The following RIPOR1 variants were observed in gnomAD, a reference collection of about 807,000 sequenced individuals.
RIPOR1 encodes RHO family interacting cell polarization regulator 1, also known as rho family-interacting cell polarization regulator 1.
A neutral mutation model predicts 116.5 loss-of-function variants in RIPOR1; 58 were observed. The observed-to-expected ratio is 0.50, with a 90% confidence interval of 0.40 to 0.62. The LOEUF (loss-of-function observed/expected upper bound fraction) is 0.62, where lower values mean the gene tolerates loss of function less well. Ranked by LOEUF, RIPOR1 falls within the 20% of genes least tolerant of loss-of-function variation. RIPOR1 has a pLI of 0.00. For missense variants in RIPOR1, 1,372 were observed against 1,586.2 expected (o/e 0.86, Z 2.29); for synonymous variants, 605 against 650.0 (o/e 0.93, Z 1.05).
Position 67,544,638 on chromosome 16 carries a change from C to T in RIPOR1, c.2734-57C>T, listed in dbSNP as rs931911427. 8.8e-5 allele frequency: 141 copies of T among 1,604,518 alleles called. 2 individuals carry two copies. Among genetic ancestry groups the T allele is most frequent in the Admixed American group, 8.4e-5 (5 of 59,874 alleles). ...GCATGCTGGGACTTGTCCCTGAGCA[C>T]GATCCTCCCGAGCCCTACCCTGAGG... On this transcript the variant is annotated intron_variant, in intron 15 of 21. Coordinates refer to ENST00000042381, the MANE Select transcript of RIPOR1 (RefSeq NM_024519.4). This position sits in a 1 kb window ranked among gnomAD's most constrained non-coding sequence, Gnocchi z 5.1.
chr16:67,533,753 A>G (rs1008631848), intron 1 of RIPOR1, among the ~76,000 whole-genome samples: 1 of 151,310 alleles, frequency 6.6e-6, no homozygotes, highest in African/African-American at 2.4e-5. Flanking sequence ...GAGGAGAAAG[A>G]TGGAGTAAGA....
chr16:67,535,577 T>C (rs1468381587), intron 1 of RIPOR1, among the ~76,000 whole-genome samples: 1 of 152,132 alleles, frequency 6.6e-6, no homozygotes, highest in East Asian at 1.9e-4. Context: ...CAGGGTGGTG[T>C]CTGTGAAATT....
At chr16:67,534,849 T>C (rs1597628064) in intron 1 of RIPOR1, among the ~76,000 whole-genome samples, 1 of 140,892 alleles carries the variant, frequency 7.1e-6, no homozygotes, top group Non-Finnish European at 1.5e-5. Context: ...TTTTTTTTTT[T>C]TTTTTTTTTT....
intron 6 of RIPOR1, 54 bp from the exon 7 acceptor site, chr16:67,539,999 T>G: frequency 5.6e-6 from 9 of 1,613,564 alleles, no homozygotes; most frequent in Non-Finnish European, 7.6e-6. Flanking sequence ...TAGAGGTGAG[T>G]AACCCCAGAG....
Position 67,538,523 on chromosome 16 carries a change from T to C in RIPOR1, c.77T>C (p.Val26Ala). Residue 26 changes from valine (V) to alanine (A), a missense_variant, in exon 2 of 22, where the codon GTC becomes GCC. Coordinates refer to ENST00000042381, the MANE Select transcript of RIPOR1 (RefSeq NM_024519.4). The part of the protein sequence containing the change: ...RVNRSQSFAG[V>A]LGSHERGPRS... ...AATAGGAGCCAGTCCTTCGCAGGCGTCCTCGGCAGCCACGAGCGGGGGCCC... is the reference window on the plus strand; with the variant it reads ...AATAGGAGCCAGTCCTTCGCAGGCGCCCTCGGCAGCCACGAGCGGGGGCCC... The C allele has an allele frequency of 1.2e-6, 2 of 1,612,056 alleles. No homozygotes were observed. The highest frequency in any genetic ancestry group is 8.5e-7 in the Non-Finnish European group (1 of 1,179,376).
At chr16:67,520,437 T>A (rs11867039) in intron 1 of RIPOR1, among the ~76,000 whole-genome samples, 4 of 145,556 alleles carry the variant, frequency 2.7e-5, no homozygotes, top group African/African-American at 1.0e-4. Flanking sequence ...GAAGAGAAGA[T>A]AAGAGAAGAG....
At position 67,540,762 on chromosome 16, in the gene RIPOR1, C is replaced by T; in HGVS notation, c.801+58C>T. Reference sequence around the variant, plus strand: ...TGGCCCTGTGAACCCCTTGTGACCCCCATTACCCTGAGTCCCTTACTCCTG... The same window carrying T: ...TGGCCCTGTGAACCCCTTGTGACCCTCATTACCCTGAGTCCCTTACTCCTG... On this transcript the variant is annotated intron_variant, in intron 10 of 21. Coordinates refer to ENST00000042381, the MANE Select transcript of RIPOR1 (RefSeq NM_024519.4). The surrounding 1 kb of genome is among the most constrained non-coding windows in gnomAD (Gnocchi z 4.7). 6.6e-7 allele frequency: 1 copy of T among 1,512,552 alleles called. No homozygotes were observed. 93.7% of individuals were successfully genotyped at this position (1,512,552 alleles called of 1,614,324 possible).
At position 67,529,820 on chromosome 16, in the gene RIPOR1, G is replaced by T. The variant is rs1423198835; in HGVS notation, c.-24+906G>T. The T allele has an allele frequency of 6.5e-7, 1 of 1,535,938 alleles. No individual in the cohort carries two copies. Among genetic ancestry groups the T allele is most frequent in the Non-Finnish European group, 8.7e-7 (1 of 1,146,896 alleles). The stretch of plus-strand genomic sequence containing the variant: ...GGCCAACGCACAGCATCTGAGGAGG[G>T]TTATGACCATCTGGCAGATGCAGAA... On this transcript the variant is annotated intron_variant, in intron 1 of 21. Coordinates refer to ENST00000042381, the MANE Select transcript of RIPOR1 (RefSeq NM_024519.4). The surrounding 1 kb of genome is among the most constrained non-coding windows in gnomAD (Gnocchi z 4.1).
chr16:67,546,604 T>C lies in RIPOR1; in HGVS notation c.*141T>C. ...ATGAAAATCTAATATATTCTTCTGT[T>C]GCCCCTGGGGTTGGAGAGTCAGTGC... On this transcript the variant is annotated 3_prime_UTR_variant, in exon 22 of 22. Transcript: ENST00000042381. The C allele has an allele frequency of 1.5e-6, 1 of 681,364 alleles. No individual in the cohort carries two copies. The highest frequency in any genetic ancestry group is 2.5e-6 in the Non-Finnish European group (1 of 404,134). 42.2% of individuals were successfully genotyped at this position (681,364 alleles called of 1,614,324 possible). A position where few individuals can be genotyped will look rare whatever the true frequency, so the allele number is the denominator to read the frequency against.
rs766043766 is a variant in RIPOR1 at position 67,540,419 on chromosome 16, A to G, written c.632-39A>G. On this transcript the variant is annotated intron_variant, in intron 8 of 21. Transcript: ENST00000042381. The surrounding 1 kb of genome is among the most constrained non-coding windows in gnomAD (Gnocchi z 4.7). ...GGAGGGAGTATGCTGAAGAACCCCA[A>G]TATGGCTCACCGACTTCTCCCCTTC... 6.2e-6 allele frequency: 10 copies of G among 1,614,148 alleles called. No individual in the cohort carries two copies. Among genetic ancestry groups the G allele is most frequent in the African/African-American group, 1.3e-5 (1 of 75,024 alleles).
In RIPOR1 at chr16:67,542,414, G is replaced by A; in HGVS notation, c.1628G>A (p.Gly543Asp). The part of the protein sequence containing the change: ...STDSGPSELP[G>D]PTHTTTGSTY... ...GACTCTGGCCCTTCAGAACTGCCAG[G>A]CCCCACTCACACCACTACAGGCTCT... The change falls in exon 13 of 22, where the codon GGC (glycine) becomes GAC (aspartate). Residue 543 changes from glycine to aspartate, a missense_variant. Around this residue, in one of 3 missense-constraint regions of RIPOR1, gnomAD observed 1,005 missense variants for 1,144.7 expected, o/e 0.88. Coordinates refer to ENST00000042381, the MANE Select transcript of RIPOR1 (RefSeq NM_024519.4). This position sits in a 1 kb window ranked among gnomAD's most constrained non-coding sequence, Gnocchi z 4.6. 1 of 1,613,674 alleles carries A rather than the reference G, an allele frequency of 6.2e-7. No individual in the cohort carries two copies. Among genetic ancestry groups the A allele is most frequent in the Non-Finnish European group, 8.5e-7 (1 of 1,179,886 alleles).
At chr16:67,532,012 C>G (rs1395551446) in intron 1 of RIPOR1, among the ~76,000 whole-genome samples, 3 of 152,076 alleles carry the variant, frequency 2.0e-5, no homozygotes, top group African/African-American at 7.2e-5. Flanking sequence ...CCACCTCAGC[C>G]TACTGAGTAG....
In RIPOR1 at chr16:67,538,555, G is replaced by A. The variant is rs376811532; in HGVS notation, c.104+5G>A. 633 of 1,608,930 alleles carry A rather than the reference G, an allele frequency of 3.9e-4. 1 individual carries two copies. Among genetic ancestry groups the A allele is most frequent in the Non-Finnish European group, 5.1e-4 (597 of 1,177,400 alleles). ...CAGCCACGAGCGGGGGCCCAGGTAC[G>A]CGGCCGCGCAGGGTTGGTGGGGTCA... On this transcript the variant is annotated splice_donor_5th_base_variant and intron_variant, in intron 2 of 21. Coordinates refer to ENST00000042381, the MANE Select transcript of RIPOR1 (RefSeq NM_024519.4).
upstream of RIPOR1, among the ~76,000 whole-genome samples, chr16:67,524,299 G>C (rs1376943345): frequency 1.3e-5 from 2 of 152,174 alleles, no homozygotes. Flanking sequence ...TAGAGTCCAG[G>C]CTGGGGCTGG....
chr16:67,538,404 A>AC lies in RIPOR1; in HGVS notation c.-23-13dup, dbSNP rs749772512. 2.1e-4 allele frequency: 328 copies of AC among 1,551,856 alleles called. No individual in the cohort carries two copies. The highest frequency in any genetic ancestry group is 2.5e-4 in the Non-Finnish European group (292 of 1,147,566). On this transcript the variant is annotated intron_variant, in intron 1 of 21. Coordinates refer to ENST00000042381, the MANE Select transcript of RIPOR1 (RefSeq NM_024519.4). ...TTCGGGGATCCGACTGGTACTGGAC[A>AC]CCCCCCCGATCACCCGCAGGGAGCC...
Position 67,538,808 on chromosome 16 carries a change from C to T in RIPOR1, c.241C>T (p.Leu81=), listed in dbSNP as rs556490179. 3.7e-6 allele frequency: 6 copies of T among 1,613,242 alleles called. No homozygotes were observed. The African/African-American group carries it at 6.7e-5, about 18-fold the overall frequency. Residue 81 remains leucine, a synonymous_variant, in exon 3 of 22, where the codon CTG becomes TTG. Coordinates refer to ENST00000042381, the MANE Select transcript of RIPOR1 (RefSeq NM_024519.4). ...GCGGCTGGACCTGGTGTACACGGCG[C>T]TGAAGCGGGGCCTGACGTGAGCAGC... The part of the protein sequence containing the change: ...PERLDLVYTA[L]KRGLTAYLEV...
At position 67,529,104 on chromosome 16, in the gene RIPOR1, C is replaced by G. The variant is rs530554588; in HGVS notation, c.-24+190C>G. ...CCCCCGGGCGTGGAGAACGCAGCTTCTCCCACAAAAGCCGCCGCCTCCGGG... is the reference window on the plus strand; with the variant it reads ...CCCCCGGGCGTGGAGAACGCAGCTTGTCCCACAAAAGCCGCCGCCTCCGGG... On this transcript the variant is annotated intron_variant, in intron 1 of 21. Coordinates refer to ENST00000042381, the MANE Select transcript of RIPOR1 (RefSeq NM_024519.4). The surrounding 1 kb of genome is among the most constrained non-coding windows in gnomAD (Gnocchi z 4.1). Among the ~76,000 whole-genome samples the G allele has an allele frequency of 2.0e-5, 3 of 152,282 alleles. No individual in the cohort carries two copies. Among genetic ancestry groups the G allele is most frequent in the Admixed American group, 1.3e-4 (2 of 15,306 alleles).
chr16:67,532,788 C>G (rs981905062), intron 1 of RIPOR1, among the ~76,000 whole-genome samples: 1 of 152,220 alleles, frequency 6.6e-6, no homozygotes, highest in Admixed American at 6.5e-5. Flanking sequence ...TTGCTAAGCT[C>G]AATGCCTGGC....
chr16:67,537,009 G>A lies in RIPOR1; in HGVS notation c.-23-1415G>A, dbSNP rs746751884. 6.6e-6 allele frequency among the ~76,000 whole-genome samples: 1 copy of A among 152,148 alleles called. No individual in the cohort carries two copies. The highest frequency in any genetic ancestry group is 2.4e-5 in the African/African-American group (1 of 41,442). On this transcript the variant is annotated intron_variant, in intron 1 of 21. Transcript: ENST00000042381. This position sits in a 1 kb window ranked among gnomAD's most constrained non-coding sequence, Gnocchi z 4.6. The stretch of plus-strand genomic sequence containing the variant: ...TGGAGTGCAGTGGCGCCACCTCCCG[G>A]GTTCAAGCGATTCTCCTGTCTCAGC...
Sources: allele counts gnomAD v4.1 joint callset (sites outside exome capture counted in the v4.1 genomes callset), GRCh38; gene constraint gnomAD v4.1.1; regional missense constraint gnomAD v4.1.1; non-coding constraint Gnocchi (gnomAD v3.1); transcripts MANE v1.5; gene names NCBI Gene and HGNC (gene_info 2026-07-23, HGNC 2026-07-21).